The following FCMR variants were observed in gnomAD, a reference collection of about 807,000 sequenced individuals.
The protein encoded by FCMR is Fc mu receptor, also known as immunoglobulin mu Fc receptor.
In FCMR, 34 loss-of-function variants were observed where a neutral mutation model predicts 41.6. That is an observed-to-expected ratio of 0.82 (90% CI 0.62 to 1.09). The LOEUF (loss-of-function observed/expected upper bound fraction) is 1.09. Ranked by LOEUF, FCMR falls within the 50% of genes least tolerant of loss-of-function variation. The pLI, the probability that FCMR is intolerant of heterozygous loss-of-function variation, is 0.00. For missense variants in FCMR, 496 were observed against 512.5 expected (o/e 0.97, Z 0.31); for synonymous variants, 209 against 211.8 (o/e 0.99, Z 0.12).
At position 206,909,999 on chromosome 1, in the gene FCMR, A is replaced by C; in HGVS notation, c.842-131T>G. The C allele has an allele frequency of 3.4e-6, 4 of 1,180,554 alleles. No homozygotes were observed. Among genetic ancestry groups the C allele is most frequent in the Non-Finnish European group, 4.5e-6 (4 of 892,508 alleles). 73.1% of individuals were successfully genotyped at this position (1,180,554 alleles called of 1,614,324 possible). ...CCTGGAGATGCTCCAAGCGTGGGGAATGTACGAGGCACGGCCTTGCCCTGC... is the reference window on the plus strand; with the variant it reads ...CCTGGAGATGCTCCAAGCGTGGGGACTGTACGAGGCACGGCCTTGCCCTGC... On this transcript the variant is annotated intron_variant, in intron 5 of 7. Coordinates refer to ENST00000367091, the MANE Select transcript of FCMR (RefSeq NM_005449.5). This position sits in a 1 kb window ranked among gnomAD's most constrained non-coding sequence, Gnocchi z 5.0.
chr1:206,905,219 T>A lies in FCMR; in HGVS notation c.1045-72A>T, dbSNP rs1193155135. 3 of 1,555,608 alleles carry A rather than the reference T, an allele frequency of 1.9e-6. No individual in the cohort carries two copies. The African/African-American group carries it at 4.1e-5, about 21-fold the overall frequency. ...TAATATCTCCCCAGGTGGATTTTCATAGTGGGCAATGGGGCATGGACATGG... is the reference window on the plus strand; with the variant it reads ...TAATATCTCCCCAGGTGGATTTTCAAAGTGGGCAATGGGGCATGGACATGG... On this transcript the variant is annotated intron_variant, in intron 7 of 7. Coordinates refer to ENST00000367091, the MANE Select transcript of FCMR (RefSeq NM_005449.5).
chr1:206,909,803 G>A lies in FCMR; in HGVS notation c.907C>T (p.Arg303Cys), dbSNP rs763329858. ...MRALESSQRP[R>C]GSPRPRSQNN... ...TGGGAGCGCGGTCGCGGCGACCCGC[G>A]GGGCCTCTGGGAGCTCTCCAGGGCG... Residue 303 changes from arginine (R) to cysteine (C), a missense_variant, in exon 6 of 8, where the codon CGC becomes TGC. Transcript: ENST00000367091. This position sits in a 1 kb window ranked among gnomAD's most constrained non-coding sequence, Gnocchi z 5.0. 7.0e-7 allele frequency: 1 copy of A among 1,430,132 alleles called. No homozygotes were observed. Among genetic ancestry groups the A allele is most frequent in the Non-Finnish European group, 9.1e-7 (1 of 1,101,440 alleles). 88.6% of individuals were successfully genotyped at this position (1,430,132 alleles called of 1,614,324 possible).
chr1:206,916,984 C>A (rs1679222387), intron 1 of FCMR, among the ~76,000 whole-genome samples: 1 of 152,220 alleles, frequency 6.6e-6, no homozygotes, highest in Admixed American at 6.5e-5. Context: ...AGGAACCAAC[C>A]TGTTCAATAG....
chr1:206,915,850 A>G (rs999586957), intron 1 of FCMR, among the ~76,000 whole-genome samples: 1 of 152,190 alleles, frequency 6.6e-6, no homozygotes, highest in Admixed American at 6.5e-5. Flanking sequence ...GAAGAGCACT[A>G]TCGAGTTTAG....
At chr1:206,920,274 G>A (rs1408509859) in intron 1 of FCMR, among the ~76,000 whole-genome samples, 1 of 151,990 alleles carries the variant, frequency 6.6e-6, no homozygotes, top group Non-Finnish European at 1.5e-5. Context: ...GGCCAACATG[G>A]GAAAACCCCG....
rs1553238236 is a variant in FCMR, at chr1:206,918,650, A to AGTTTGTGT, written c.37+3167_37+3168insACACAAAC. On this transcript the variant is annotated intron_variant, in intron 1 of 7. Transcript: ENST00000367091. Reference sequence around the variant, plus strand: ...GTTAAAGAATCAAGAATAAATTTTAAGTGTGTGTGTGTGTGTGTGTGTGTG... The same window carrying AGTTTGTGT: ...GTTAAAGAATCAAGAATAAATTTTAAGTTTGTGTGTGTGTGTGTGTGTGTGTGTGTGTG... Among the ~76,000 whole-genome samples the AGTTTGTGT allele has an allele frequency of 1.7e-3, 249 of 145,986 alleles. 1 individual carries two copies. The highest frequency in any genetic ancestry group is 3.2e-3 in the Non-Finnish European group (213 of 66,184).
chr1:206,913,641 G>A, intron 2 of FCMR, 118 bp downstream of exon 2: 2 of 761,470 alleles, frequency 2.6e-6, no homozygotes, highest in Non-Finnish European at 2.2e-6. Context: ...TCATTATGTG[G>A]CTTATATGGC....
In FCMR at chr1:206,904,260, T is replaced by C. The variant is rs955031167; in HGVS notation, c.*759A>G. The stretch of plus-strand genomic sequence containing the variant: ...ACCAAAGTTAAGGTAAGTGCACAAA[T>C]ATCAGTGTCAGGCTATGGAAGAAAG... On this transcript the variant is annotated 3_prime_UTR_variant, in exon 8 of 8. Transcript: ENST00000367091. The C allele has an allele frequency of 6.6e-6, 1 of 151,518 alleles. No individual in the cohort carries two copies. Among genetic ancestry groups the C allele is most frequent in the African/African-American group, 2.4e-5 (1 of 41,142 alleles). The allele number at this position is 151,518 out of a possible 1,614,324, so 9.4% of individuals were successfully genotyped here. A position where few individuals can be genotyped will look rare whatever the true frequency, so the allele number is the denominator to read the frequency against.
intron 2 of FCMR, chr1:206,913,519 G>T: frequency 1.8e-6 from 1 of 566,622 alleles, no homozygotes; most frequent in Non-Finnish European, 3.1e-6. Flanking sequence ...CATGCCCTGG[G>T]TAGGATGAAC....
intron 1 of FCMR, among the ~76,000 whole-genome samples, chr1:206,920,120 A>G (rs1285524182): frequency 6.6e-6 from 1 of 152,136 alleles, no homozygotes; most frequent in Non-Finnish European, 1.5e-5. Context: ...AATGTCTACA[A>G]TAAGGAGGTG....
intron 7 of FCMR, chr1:206,907,803 T>G: frequency 7.2e-7 from 1 of 1,393,284 alleles, no homozygotes; most frequent in Non-Finnish European, 1.0e-6. Flanking sequence ...CGCAAGCGGA[T>G]GAACACCAAC....
rs528456314 is a variant in FCMR, at chr1:206,909,474, G to A, written c.1032C>T (p.Pro344=). ...PVPGPGAPLP[P]APLQVSESPW... ...GAGCGGAGCTTACCTGCAGCGGGGC[G>A]GGGGGCAACGGCGCTCCGGGGCCGG... Residue 344 remains proline (P), a synonymous_variant, in exon 7 of 8, where the codon CCC becomes CCT. Transcript: ENST00000367091. This position sits in a 1 kb window ranked among gnomAD's most constrained non-coding sequence, Gnocchi z 5.0. 18 of 1,279,364 alleles carry A rather than the reference G, an allele frequency of 1.4e-5. No individual in the cohort carries two copies. The highest frequency in any genetic ancestry group is 1.8e-5 in the Non-Finnish European group (18 of 1,013,746). 79.3% of individuals were successfully genotyped at this position (1,279,364 alleles called of 1,614,324 possible). A position where few individuals can be genotyped will look rare whatever the true frequency, so the allele number is the denominator to read the frequency against.
At chr1:206,914,426 T>G (rs1679100330) in intron 1 of FCMR, among the ~76,000 whole-genome samples, 1 of 144,352 alleles carries the variant, frequency 6.9e-6, no homozygotes, top group South Asian at 2.2e-4. Flanking sequence ...CTTCCTTCCT[T>G]CCTTTCTTTT....
chr1:206,913,970 T>C lies in FCMR; in HGVS notation c.162A>G (p.Gly54=). 6.2e-7 allele frequency: 1 copy of C among 1,614,216 alleles called. No individual in the cohort carries two copies. The highest frequency in any genetic ancestry group is 8.5e-7 in the Non-Finnish European group (1 of 1,180,032). ...VRIYLCREMA[G]SGTCGTVVST... Reference sequence around the variant, plus strand: ...ATACCACGGTACCACATGTTCCAGATCCAGCCATCTCCCGGCACAGATATA... The same window carrying C: ...ATACCACGGTACCACATGTTCCAGACCCAGCCATCTCCCGGCACAGATATA... Residue 54 remains glycine, a synonymous_variant, in exon 2 of 8, where the codon GGA becomes GGG. Transcript: ENST00000367091.
Position 206,914,183 on chromosome 1 carries a change from A to C in FCMR, c.38-89T>G. On this transcript the variant is annotated intron_variant, in intron 1 of 7. Transcript: ENST00000367091. ...CTTCCCAGCTCCAGCCGTCTCTCCA[A>C]CCCTAGCCCAGGCCCCAGCCCAACC... is the stretch of plus-strand genomic sequence containing the variant. 3.9e-6 allele frequency: 4 copies of C among 1,026,366 alleles called. No individual in the cohort carries two copies. In the South Asian group the frequency reaches 5.8e-5, roughly 15 times the overall value. The allele number at this position is 1,026,366 out of a possible 1,614,324, so 63.6% of individuals were successfully genotyped here. A position where few individuals can be genotyped will look rare whatever the true frequency, so the allele number is the denominator to read the frequency against.
chr1:206,918,935 T>G (rs1157320551), intron 1 of FCMR, among the ~76,000 whole-genome samples: 1 of 152,002 alleles, frequency 6.6e-6, no homozygotes, highest in Non-Finnish European at 1.5e-5. Context: ...ATACTATATA[T>G]CTGAATATTT....
chr1:206,913,167 A>T (rs1041277549), intron 2 of FCMR, 125 bp from the exon 3 acceptor site: 2 of 743,334 alleles, frequency 2.7e-6, no homozygotes, highest in African/African-American at 3.4e-5. Flanking sequence ...CACTGAAAGA[A>T]GCAGAGAAGG....
chr1:206,921,908 G>T lies in FCMR; in HGVS notation c.-54C>A. On this transcript the variant is annotated 5_prime_UTR_variant, in exon 1 of 8. Coordinates refer to ENST00000367091, the MANE Select transcript of FCMR (RefSeq NM_005449.5). ...AAGAGCCCCTAGAGAGGGGGATGGA[G>T]ACACGCTGCTTACTCAGGAACCCTT... The T allele has an allele frequency of 6.6e-7, 1 of 1,514,142 alleles. No homozygotes were observed. 93.8% of individuals were successfully genotyped at this position (1,514,142 alleles called of 1,614,324 possible). A position where few individuals can be genotyped will look rare whatever the true frequency, so the allele number is the denominator to read the frequency against.
chr1:206,917,916 C>T (rs987827893), intron 1 of FCMR: 1 of 400,910 alleles, frequency 2.5e-6, no homozygotes, highest in Non-Finnish European at 4.9e-6. Context: ...CCATGCCTGG[C>T]TTTGCCCATC....
Sources: allele counts gnomAD v4.1 joint callset (sites outside exome capture counted in the v4.1 genomes callset), GRCh38; gene constraint gnomAD v4.1.1; non-coding constraint Gnocchi (gnomAD v3.1); transcripts MANE v1.5; gene names NCBI Gene and HGNC (gene_info 2026-07-23, HGNC 2026-07-21).